Variants in WASHC4 observed in about 807,000 individuals in gnomAD.
The protein encoded by WASHC4 is WASH complex subunit 7.
A neutral mutation model predicts 166.6 loss-of-function variants in WASHC4; 86 were observed. That is an observed-to-expected ratio of 0.52 (90% CI 0.43 to 0.62). WASHC4 has a LOEUF of 0.62. Among genes scored for constraint, WASHC4 ranks in the 20% least tolerant of loss-of-function variants. The pLI is 0.00. For synonymous variants in WASHC4, 446 were observed against 451.6 expected (o/e 0.99, Z 0.16); for missense variants, 1,262 against 1,382.4 (o/e 0.91, Z 1.38).
At chr12:105,144,538 A>T in intron 21 of WASHC4, 83 bp downstream of exon 21, 2 of 1,289,234 alleles carry the variant, frequency 1.6e-6, no homozygotes, top group Admixed American at 2.1e-5. Context: ...CTTTGAGGGT[A>T]TATTTAAATT....
At chr12:105,129,783 G>A (rs2135759917) in intron 13 of WASHC4, among the ~76,000 whole-genome samples, 1 of 152,308 alleles carries the variant, frequency 6.6e-6, no homozygotes, top group East Asian at 1.9e-4. Flanking sequence ...GCTCCAGTAG[G>A]CTAAACTAAA....
At chr12:105,120,482 G>A (rs1880625205) in intron 7 of WASHC4, 73 bp from the exon 8 acceptor site, 2 of 854,254 alleles carry the variant, frequency 2.3e-6, no homozygotes, top group Non-Finnish European at 2.0e-6. Context: ...ATCTGCTCCT[G>A]TATGTATTTG....
Position 105,139,425 on chromosome 12 carries a change from G to GTGTGTGTGTGTGTGTGTGTGTATA in WASHC4, c.1453-868_1453-867insGTGTGTGTGTGTGTGTGTGTATAT. Among the ~76,000 whole-genome samples the GTGTGTGTGTGTGTGTGTGTGTATA allele has an allele frequency of 1.9e-3, 195 of 103,178 alleles. 2 individuals carry two copies. The highest frequency in any genetic ancestry group is 5.0e-3 in the African/African-American group (140 of 28,148). 67.7% of individuals were successfully genotyped at this position (103,178 alleles called of 152,430 possible). On this transcript the variant is annotated intron_variant, in intron 15 of 32. Transcript: ENST00000332180. ...AGACAGACTATATATATGTGTGTGT[G>GTGTGTGTGTGTGTGTGTGTGTATA]TATATATATATATATATATATATAT...
chr12:105,109,480 C>A (rs755715524), intron 1 of WASHC4, among the ~76,000 whole-genome samples: 7 of 152,206 alleles, frequency 4.6e-5, no homozygotes, highest in Non-Finnish European at 1.0e-4. Flanking sequence ...TAAAAAATTA[C>A]CATGTAGTTC....
chr12:105,161,181 C>T (rs967372733), intron 29 of WASHC4, among the ~76,000 whole-genome samples: 3 of 152,104 alleles, frequency 2.0e-5, no homozygotes, highest in Non-Finnish European at 4.4e-5. Flanking sequence ...TTTCATATTG[C>T]TGCCCAAGTT....
Position 105,123,351 on chromosome 12 carries a change from G to A in WASHC4, c.786+1113G>A, listed in dbSNP as rs145195203. ...GAAAGCAGAGATAGGCTGAAAGTTA[G>A]GCCTCTTGCTGTGACTAGCTAGCCA... On this transcript the variant is annotated intron_variant, in intron 10 of 32. Transcript: ENST00000332180. Among the ~76,000 whole-genome samples, 1,069 of 152,196 alleles carry A rather than the reference G, an allele frequency of 7.0e-3. 6 individuals carry two copies. The highest frequency in any genetic ancestry group is 8.9e-3 in the Non-Finnish European group (602 of 67,998).
Position 105,122,214 on chromosome 12 carries a change from A to T in WASHC4, c.762A>T (p.Gln254His), listed in dbSNP as rs767720569. The T allele has an allele frequency of 1.2e-5, 19 of 1,612,878 alleles. No individual in the cohort carries two copies. Among genetic ancestry groups the T allele is most frequent in the Non-Finnish European group, 1.6e-5 (19 of 1,179,598 alleles). The part of the protein sequence containing the change: ...FEKFLLKLEG[Q>H]LLDGMIFQAC... Reference sequence around the variant, plus strand: ...AGTTCTTGCTGAAGCTAGAAGGGCAATTACTGGATGGAATGATATTCCAGG... The same window carrying T: ...AGTTCTTGCTGAAGCTAGAAGGGCATTTACTGGATGGAATGATATTCCAGG... The change falls in exon 10 of 33, where the codon CAA becomes CAT. Residue 254 changes from glutamine to histidine, a missense_variant. Transcript: ENST00000332180.
chr12:105,118,311 G>T, intron 6 of WASHC4, 135 bp from the exon 7 acceptor site: 1 of 720,478 alleles, frequency 1.4e-6, no homozygotes. Flanking sequence ...GCTTGAACTT[G>T]TCTGGCTTTT....
At chr12:105,134,852 G>A (rs377510540) in intron 14 of WASHC4, among the ~76,000 whole-genome samples, 33 of 151,690 alleles carry the variant, frequency 2.2e-4, no homozygotes, top group African/African-American at 7.5e-4. Context: ...CACCTGACTA[G>A]TTGCTTTGTA....
chr12:105,119,347 T>TA (rs1475035235), intron 7 of WASHC4, among the ~76,000 whole-genome samples: 12 of 152,214 alleles, frequency 7.9e-5, no homozygotes, highest in Admixed American at 7.9e-4. Context: ...TTTCCACACT[T>TA]ACAATCTAAT....
rs756905174 is a variant in WASHC4 at position 105,160,073 on chromosome 12, A to G, written c.2985A>G (p.Val995=). The G allele has an allele frequency of 2.0e-5, 33 of 1,613,468 alleles. No homozygotes were observed. The highest frequency in any genetic ancestry group is 2.8e-5 in the Non-Finnish European group (33 of 1,179,480). ...AEGTEYFKML[V]DVFAPEFRRP... ...GCACAGAATATTTCAAAATGCTTGTAGACGTTTTTGCTCCAGAATTTCGAA... is the reference window on the plus strand; with the variant it reads ...GCACAGAATATTTCAAAATGCTTGTGGACGTTTTTGCTCCAGAATTTCGAA... The change falls in exon 29 of 33, where the codon GTA becomes GTG. Residue 995 remains valine (V), a synonymous_variant. Coordinates refer to ENST00000332180, the MANE Select transcript of WASHC4 (RefSeq NM_015275.3).
intron 7 of WASHC4, among the ~76,000 whole-genome samples, chr12:105,119,799 A>G (rs1346612743): frequency 6.6e-6 from 1 of 152,236 alleles, no homozygotes; most frequent in Non-Finnish European, 1.5e-5. Flanking sequence ...ACTATTTAAA[A>G]CTTGTTGAGC....
intron 6 of WASHC4, among the ~76,000 whole-genome samples, chr12:105,117,016 A>C (rs1880247397): frequency 6.6e-6 from 1 of 152,132 alleles, no homozygotes; most frequent in Non-Finnish European, 1.5e-5. Flanking sequence ...GTAAATGTGG[A>C]AACTTTGCAT....
chr12:105,152,179 A>G (rs541948752), intron 25 of WASHC4, among the ~76,000 whole-genome samples, 164 bp from the exon 26 acceptor site: 1 of 152,360 alleles, frequency 6.6e-6, no homozygotes, highest in East Asian at 1.9e-4. Flanking sequence ...AAAAAGTTAT[A>G]TTGACCTTGA....
At position 105,167,943 on chromosome 12, in the gene WASHC4, C is replaced by T. The variant is rs570141226; in HGVS notation, c.*1012C>T. On this transcript the variant is annotated 3_prime_UTR_variant, in exon 33 of 33. Transcript: ENST00000332180. Reference sequence around the variant, plus strand: ...AGAAAGATTTTGAGTAAATTTTGTGCCCAGCAAGCTGTTAGTTTTATTTTT... The same window carrying T: ...AGAAAGATTTTGAGTAAATTTTGTGTCCAGCAAGCTGTTAGTTTTATTTTT... 1.3e-5 allele frequency: 2 copies of T among 152,482 alleles called. No homozygotes were observed. The highest frequency in any genetic ancestry group is 1.9e-4 in the East Asian group (1 of 5,192). The allele number at this position is 152,482 out of a possible 1,614,324, so 9.4% of individuals were successfully genotyped here.
At chr12:105,165,558 C>T (rs1884761536) in intron 32 of WASHC4, among the ~76,000 whole-genome samples, 1 of 152,084 alleles carries the variant, frequency 6.6e-6, no homozygotes, top group African/African-American at 2.4e-5. Flanking sequence ...TTTTGTCTTA[C>T]TCGTGCTTCA....
intron 31 of WASHC4, 67 bp from the exon 32 acceptor site, chr12:105,164,574 T>C: frequency 9.1e-7 from 1 of 1,097,268 alleles, no homozygotes; most frequent in East Asian, 2.5e-5. Context: ...TAAAAATGCA[T>C]ATATTTTTGG....
chr12:105,121,050 C>T (rs1880693977), intron 8 of WASHC4, 51 bp from the exon 9 acceptor site: 1 of 1,230,334 alleles, frequency 8.1e-7, no homozygotes, highest in Non-Finnish European at 1.2e-6. Flanking sequence ...CTACATGAGG[C>T]TTAACTTCTA....
chr12:105,153,054 C>T (rs1883891568), intron 26 of WASHC4, among the ~76,000 whole-genome samples: 1 of 152,076 alleles, frequency 6.6e-6, no homozygotes, highest in Non-Finnish European at 1.5e-5. Flanking sequence ...GGCATGTAAT[C>T]GTTTTAAAGA....
Sources: allele counts gnomAD v4.1 joint callset (sites outside exome capture counted in the v4.1 genomes callset), GRCh38; gene constraint gnomAD v4.1.1; transcripts MANE v1.5; gene names NCBI Gene and HGNC (gene_info 2026-07-23, HGNC 2026-07-21).